The following TPRG1 variants were observed in gnomAD, a reference collection of about 807,000 sequenced individuals.
TPRG1 encodes the protein tumor protein p63-regulated gene 1 protein.
In TPRG1, 29 loss-of-function variants were observed where a neutral mutation model predicts 29.3. The observed-to-expected ratio is 0.99, with a 90% CI of 0.74 to 1.35. The LOEUF is 1.35. Among genes scored for constraint, TPRG1 ranks in the 40% most tolerant of loss-of-function variants. The probability of loss-of-function intolerance (pLI) is 0.00; values close to 1 mark genes in which losing one functional copy is unlikely to be tolerated. For synonymous variants in TPRG1, 130 were observed against 116.8 expected, an observed-to-expected ratio of 1.11 and a Z score of -0.73; for missense variants, 327 against 335.0, an observed-to-expected ratio of 0.98 and a Z score of 0.19.
At chr3:189,288,998 G>A (rs545711446) in intron 4 of TPRG1, among the ~76,000 whole-genome samples, 21 of 152,292 alleles carry the variant, frequency 1.4e-4, no homozygotes, top group African/African-American at 4.8e-4. Context: ...GTCACTCACC[G>A]ATGTACTGTG....
intron 1 of TPRG1, among the ~76,000 whole-genome samples, chr3:189,103,881 A>G (rs1719500626): frequency 6.6e-6 from 1 of 152,118 alleles, no homozygotes. Flanking sequence ...GGCCCATCAC[A>G]GTTCCTGAGT....
intron 4 of TPRG1, among the ~76,000 whole-genome samples, chr3:189,261,178 G>C (rs989771719): frequency 3.3e-5 from 5 of 152,158 alleles, no homozygotes; most frequent in African/African-American, 1.2e-4. Context: ...CTCCAGGAAT[G>C]GGGCTAGGAA....
intron 1 of TPRG1, among the ~76,000 whole-genome samples, chr3:189,205,109 G>A (rs2108795312): frequency 6.6e-6 from 1 of 152,284 alleles, no homozygotes; most frequent in South Asian, 2.1e-4. Flanking sequence ...TGTTGGGTGT[G>A]CTATACTGGG....
intron 4 of TPRG1, among the ~76,000 whole-genome samples, chr3:189,248,747 T>G (rs1348700235): frequency 6.6e-6 from 1 of 151,294 alleles, no homozygotes; most frequent in Non-Finnish European, 1.5e-5. Context: ...TTAAATTTTG[T>G]TATTAATTTA....
chr3:189,280,669 G>A (rs1489581838), intron 4 of TPRG1, among the ~76,000 whole-genome samples: 1 of 152,098 alleles, frequency 6.6e-6, no homozygotes, highest in Non-Finnish European at 1.5e-5. Flanking sequence ...AAAGAACACA[G>A]GACTCGAAGA....
At chr3:189,053,702 C>A (rs187727171) in intron 4 of TPRG1, among the ~76,000 whole-genome samples, 277 of 152,278 alleles carry the variant, frequency 1.8e-3, no homozygotes, top group African/African-American at 6.4e-3. Flanking sequence ...CCAGTTAAAG[C>A]CAATACTCAT....
intron 4 of TPRG1, among the ~76,000 whole-genome samples, chr3:189,067,877 A>G (rs563507871): frequency 6.6e-6 from 1 of 152,320 alleles, no homozygotes; most frequent in Admixed American, 6.5e-5. Flanking sequence ...ATCGACAAAA[A>G]GACAACCCAC....
At chr3:189,235,463 T>C (rs1739315960) in intron 3 of TPRG1, among the ~76,000 whole-genome samples, 1 of 152,010 alleles carries the variant, frequency 6.6e-6, no homozygotes. Flanking sequence ...GGACTAGGCA[T>C]GGAATGTGAG....
chr3:189,010,822 A>G (rs759775071), intron 3 of TPRG1, among the ~76,000 whole-genome samples: 29 of 151,628 alleles, frequency 1.9e-4, no homozygotes, highest in African/African-American at 4.6e-4. Flanking sequence ...CATCTTCCTC[A>G]TGAACTCTTT....
At position 189,310,542 on chromosome 3, in the gene TPRG1, A is replaced by G. The variant is rs375336181; in HGVS notation, c.633+3A>G. ...AGAAATTCCTTGAAATTTGCAAGGT[A>G]GGAGGCATCTTGGGTATTACTCTCA... is the stretch of plus-strand genomic sequence containing the variant. On this transcript the variant is annotated splice_donor_region_variant and intron_variant, in intron 5 of 5. Transcript: ENST00000345063. 1 of 1,606,882 alleles carries G rather than the reference A, an allele frequency of 6.2e-7. No individual in the cohort carries two copies. The highest frequency in any genetic ancestry group is 1.3e-5 in the African/African-American group (1 of 74,752).
At chr3:189,142,162 T>C (rs1000471568) in intron 3 of TPRG1, among the ~76,000 whole-genome samples, 1 of 152,110 alleles carries the variant, frequency 6.6e-6, no homozygotes, top group Admixed American at 6.5e-5. Context: ...GGGCAGCACG[T>C]ACAGAGGACG....
intron 1 of TPRG1, among the ~76,000 whole-genome samples, chr3:189,172,411 T>C (rs1194076219): frequency 1.3e-5 from 2 of 152,136 alleles, no homozygotes; most frequent in African/African-American, 4.8e-5. Context: ...TGCAGTAGGA[T>C]GGGTATAATT....
intron 5 of TPRG1, among the ~76,000 whole-genome samples, chr3:189,152,636 T>TG (rs1286586389): frequency 0.26 from 38,503 of 146,698 alleles, 6,949 homozygotes; most frequent in Admixed American, 0.36. Context: ...AAAGTAGGAT[T>TG]CCTACCCGCC....
At chr3:189,020,989 C>T (rs1307068276) in intron 3 of TPRG1, among the ~76,000 whole-genome samples, 8 of 147,594 alleles carry the variant, frequency 5.4e-5, no homozygotes, top group South Asian at 4.4e-4. Context: ...TATATAATGG[C>T]CTTCTTTGTC....
At chr3:189,134,784 A>T (rs1723541880) in intron 3 of TPRG1, among the ~76,000 whole-genome samples, 1 of 152,158 alleles carries the variant, frequency 6.6e-6, no homozygotes, top group Non-Finnish European at 1.5e-5. Context: ...AATAATTTTC[A>T]CTAGGACTTA....
intron 4 of TPRG1, among the ~76,000 whole-genome samples, chr3:189,027,544 G>A (rs1009833481): frequency 2.0e-5 from 3 of 152,042 alleles, no homozygotes; most frequent in African/African-American, 7.2e-5. Context: ...AAGCCCACAG[G>A]GGCAATATTA....
chr3:189,235,791 C>T (rs937389650), intron 3 of TPRG1, among the ~76,000 whole-genome samples: 1 of 152,150 alleles, frequency 6.6e-6, no homozygotes, highest in Admixed American at 6.5e-5. Flanking sequence ...CGAGTCCCTG[C>T]ACCACTGTTT....
At chr3:189,042,396 T>C (rs1298351949) in intron 4 of TPRG1, among the ~76,000 whole-genome samples, 1 of 152,202 alleles carries the variant, frequency 6.6e-6, no homozygotes, top group Non-Finnish European at 1.5e-5. Context: ...GAGTAAAATA[T>C]TGATAACATT....
intron 2 of TPRG1, among the ~76,000 whole-genome samples, chr3:189,001,808 T>A (rs1712035948): frequency 6.6e-6 from 1 of 152,126 alleles, no homozygotes; most frequent in African/African-American, 2.4e-5. Context: ...CTTCCATGAC[T>A]CAAGATAAGA....
Sources: gnomAD v4.1 joint callset for allele counts (sites outside exome capture counted in the v4.1 genomes callset) on GRCh38, gnomAD v4.1.1 for gene constraint, MANE v1.5 for transcripts, NCBI Gene and HGNC (gene_info 2026-07-23, HGNC 2026-07-21) for gene names.